TCF7: variants seen among roughly 807,000 people sequenced by gnomAD.
The protein encoded by TCF7 is transcription factor 7, also known as T-cell-factor-7.
A neutral mutation model predicts 46.8 loss-of-function variants in TCF7; 19 were observed. The observed-to-expected ratio is 0.41, with a 90% confidence interval of 0.28 to 0.60. TCF7 has a LOEUF of 0.60. TCF7 is among the 20% of genes least tolerant of loss of function. TCF7 has a pLI of 0.35. For missense variants in TCF7, 547 were observed against 504.6 expected (o/e 1.08, Z -0.81); for synonymous variants, 245 against 213.4 (o/e 1.15, Z -1.29).
chr5:134,136,417 G>C (rs562284327), intron 3 of TCF7, among the ~76,000 whole-genome samples: 1 of 152,132 alleles, frequency 6.6e-6, no homozygotes, highest in Non-Finnish European at 1.5e-5. Context: ...GGCTCCTCCC[G>C]GTGGGCAGAT....
chr5:134,134,953 C>T (rs1237990942), intron 3 of TCF7, among the ~76,000 whole-genome samples: 1 of 152,102 alleles, frequency 6.6e-6, no homozygotes, highest in Non-Finnish European at 1.5e-5. Flanking sequence ...AGCCAGATCA[C>T]GTAGAGCTTT....
intron 9 of TCF7, chr5:134,145,194 C>G (rs1361648087): frequency 1.7e-6 from 1 of 592,322 alleles, no homozygotes; most frequent in African/African-American, 1.8e-5. Flanking sequence ...CTAAGGGGGC[C>G]TGGAGCCCAT....
chr5:134,114,450 T>C (rs1386496586), upstream of TCF7, among the ~76,000 whole-genome samples: 2 of 152,038 alleles, frequency 1.3e-5, no homozygotes, highest in South Asian at 2.1e-4. Context: ...TATCTGGTTG[T>C]AGGTGAGTAA....
upstream of TCF7, among the ~76,000 whole-genome samples, chr5:134,111,097 G>A (rs739404): frequency 5.3e-3 from 804 of 152,302 alleles, 7 homozygotes; most frequent in African/African-American, 0.018. Flanking sequence ...GCAGGCCTGC[G>A]TATGACATCC....
intron 3 of TCF7, among the ~76,000 whole-genome samples, chr5:134,120,797 C>G (rs946085899): frequency 6.6e-6 from 1 of 152,252 alleles, no homozygotes; most frequent in African/African-American, 2.4e-5. Context: ...ACTCACCATG[C>G]TTAACCCTAA....
intron 5 of TCF7, 32 bp downstream of exon 5, chr5:134,139,070 G>A (rs750492374): frequency 5.0e-5 from 81 of 1,611,350 alleles, no homozygotes; most frequent in Admixed American, 1.0e-4. Flanking sequence ...AAGGGGTACC[G>A]TGTGCTGGTC....
In TCF7 at chr5:134,139,240, A is replaced by C; in HGVS notation, c.635+202A>C. ...GTACCCCGGCCTGCATTCCCCAGGG[A>C]GCCTGACATACTCCCTTTGGAGAGG... is the stretch of plus-strand genomic sequence containing the variant. On this transcript the variant is annotated intron_variant, in intron 5 of 9. Transcript: ENST00000342854. 5.5e-6 allele frequency: 4 copies of C among 724,366 alleles called. No homozygotes were observed. In the South Asian group the frequency reaches 8.1e-5, roughly 15 times the overall value. 44.9% of individuals were successfully genotyped at this position (724,366 alleles called of 1,614,324 possible). A position where few individuals can be genotyped will look rare whatever the true frequency, so the allele number is the denominator to read the frequency against.
At chr5:134,109,291 T>C in the TCF7 span, among the ~76,000 whole-genome samples, 1 of 152,214 alleles carries the variant, frequency 6.6e-6, no homozygotes, top group Non-Finnish European at 1.5e-5. Context: ...CCTCTCTCAG[T>C]GTGTCTGAGG....
intron 3 of TCF7, among the ~76,000 whole-genome samples, chr5:134,121,513 C>T (rs1756572551): frequency 6.6e-6 from 1 of 150,588 alleles, no homozygotes; most frequent in East Asian, 2.0e-4. Flanking sequence ...CGCTTGAACC[C>T]GGGAGGTGGA....
upstream of TCF7, among the ~76,000 whole-genome samples, chr5:134,113,619 G>A (rs1466623131): frequency 2.6e-5 from 4 of 152,270 alleles, no homozygotes; most frequent in Non-Finnish European, 5.9e-5. Context: ...GGGAGCTGCT[G>A]TTGACTGCAT....
At chr5:134,137,218 G>A (rs1758990641) in intron 3 of TCF7, among the ~76,000 whole-genome samples, 1 of 152,168 alleles carries the variant, frequency 6.6e-6, no homozygotes, top group African/African-American at 2.4e-5. Flanking sequence ...GAGGTCAGGA[G>A]TTTGAGACCA....
At chr5:134,142,057 C>A (rs1456974378) in intron 5 of TCF7, 128 bp from the exon 6 acceptor site, 2 of 1,322,976 alleles carry the variant, frequency 1.5e-6, no homozygotes, top group African/African-American at 2.9e-5. Flanking sequence ...TATGTCTAGG[C>A]CAGTAGGATA....
Position 134,115,084 on chromosome 5 carries a change from G to A in TCF7, c.178G>A (p.Glu60Lys). Residue 60 changes from glutamate (E) to lysine (K), a missense_variant, in exon 1 of 10, where the codon GAG becomes AAG. Glu to Lys is a moderately conservative substitution (Grantham distance 56, BLOSUM62 1). Transcript: ENST00000342854. ...CAAGTCGTCGCTCGTGAACGAGTCC[G>A]AGGGCGCGGCCGGCGGCGCAGGGAT... Reference protein sequence around the residue: ...ELKSSLVNESEGAAGGAGIPG... With the variant: ...ELKSSLVNESKGAAGGAGIPG... The A allele has an allele frequency of 9.0e-7, 1 of 1,112,714 alleles. No homozygotes were observed. The highest frequency in any genetic ancestry group is 1.1e-6 in the Non-Finnish European group (1 of 897,078). 68.9% of individuals were successfully genotyped at this position (1,112,714 alleles called of 1,614,324 possible).
At chr5:134,109,400 T>C in the TCF7 span, among the ~76,000 whole-genome samples, 1 of 152,240 alleles carries the variant, frequency 6.6e-6, no homozygotes, top group South Asian at 2.1e-4. Context: ...TGCTCCACCT[T>C]CTGCTGCATT....
At chr5:134,145,517 C>T (rs1760567372) in intron 9 of TCF7, 1 of 593,244 alleles carries the variant, frequency 1.7e-6, no homozygotes, top group Non-Finnish European at 3.0e-6. Context: ...TTAAAGTTTC[C>T]TCAGTCAGTT....
intron 9 of TCF7, 162 bp from the exon 10 acceptor site, chr5:134,146,062 A>G (rs1289539117): frequency 1.3e-6 from 2 of 1,569,536 alleles, no homozygotes; most frequent in Non-Finnish European, 8.6e-7. Context: ...TCTGGGCCAG[A>G]CCAAGCAGAA....
intron 3 of TCF7, among the ~76,000 whole-genome samples, chr5:134,127,334 G>A (rs1757476086): frequency 6.6e-6 from 1 of 152,216 alleles, no homozygotes; most frequent in Non-Finnish European, 1.5e-5. Context: ...TGAAAGGCAG[G>A]TGCCCAGGGC....
At chr5:134,134,374 G>GC (rs1463070453) in intron 3 of TCF7, among the ~76,000 whole-genome samples, 2 of 152,260 alleles carry the variant, frequency 1.3e-5, no homozygotes, top group African/African-American at 4.8e-5. Context: ...AGACTCGAAA[G>GC]CCCCCCATGC....
At chr5:134,114,143 T>A (rs554637065), upstream of TCF7, among the ~76,000 whole-genome samples, 52 of 152,278 alleles carry the variant, frequency 3.4e-4, no homozygotes, top group African/African-American at 9.6e-4. Flanking sequence ...ATGTTCGCAC[T>A]GTATGCAGGC....
Sources: allele counts gnomAD v4.1 joint callset (sites outside exome capture counted in the v4.1 genomes callset), GRCh38; gene constraint gnomAD v4.1.1; transcripts MANE v1.5; gene names NCBI Gene and HGNC (gene_info 2026-07-23, HGNC 2026-07-21).